Variants in CAP2 observed in about 807,000 individuals in gnomAD.
CAP2 encodes the protein cyclase associated actin cytoskeleton regulatory protein 2.
In CAP2, 24 loss-of-function variants were observed where a neutral mutation model predicts 57.7. That is an observed-to-expected ratio of 0.42 (90% CI 0.30 to 0.58). The LOEUF is 0.58. Ranked by LOEUF, CAP2 falls within the 20% of genes least tolerant of loss-of-function variation. CAP2 has a pLI of 0.22. For missense variants in CAP2, 501 were observed against 590.3 expected (o/e 0.85, Z 1.57); for synonymous variants, 194 against 207.2 (o/e 0.94, Z 0.55).
chr6:17,512,495 C>T (rs1432104101), intron 6 of CAP2, among the ~76,000 whole-genome samples: 4 of 151,974 alleles, frequency 2.6e-5, no homozygotes. Context: ...CACATATAAA[C>T]ATAGACATAT....
chr6:17,498,728 T>C (rs1761728307), intron 4 of CAP2, among the ~76,000 whole-genome samples: 1 of 152,008 alleles, frequency 6.6e-6, no homozygotes, highest in African/African-American at 2.4e-5. Flanking sequence ...TTATTTATTT[T>C]ATTTATTTAT....
intron 3 of CAP2, among the ~76,000 whole-genome samples, chr6:17,446,425 G>A (rs552332934): frequency 6.6e-6 from 1 of 152,088 alleles, no homozygotes; most frequent in Non-Finnish European, 1.5e-5. Context: ...CTGCTTTGGT[G>A]CTTAGCAACC....
chr6:17,504,153 A>G (rs1001279383), intron 4 of CAP2, among the ~76,000 whole-genome samples: 6 of 152,152 alleles, frequency 3.9e-5, no homozygotes, highest in Non-Finnish European at 7.3e-5. Context: ...AACTCGGCCA[A>G]TCAGAGGCTT....
intron 7 of CAP2, among the ~76,000 whole-genome samples, chr6:17,516,843 A>G (rs1464122870): frequency 2.0e-5 from 3 of 152,188 alleles, no homozygotes; most frequent in South Asian, 4.1e-4. Flanking sequence ...AAATGTTAAC[A>G]CGACCCTTCA....
rs1214823183 is a variant in CAP2 at position 17,472,150 on chromosome 6, T to C, written c.300+9077T>C. Reference sequence around the variant, plus strand: ...GAGATCGAGACCATCCCGGCTAAAATGGTGAAACCCCGTCTCTACTAAAAA... The same window carrying C: ...GAGATCGAGACCATCCCGGCTAAAACGGTGAAACCCCGTCTCTACTAAAAA... On this transcript the variant is annotated intron_variant, in intron 4 of 12. Coordinates refer to ENST00000229922, the MANE Select transcript of CAP2 (RefSeq NM_006366.3). 8.4e-4 allele frequency among the ~76,000 whole-genome samples: 72 copies of C among 85,742 alleles called. 7 individuals are homozygous for C. Among genetic ancestry groups the C allele is most frequent in the Non-Finnish European group, 1.4e-3 (63 of 45,842 alleles). The allele number at this position is 85,742 out of a possible 152,430, so 56.3% of individuals were successfully genotyped here.
In CAP2 at chr6:17,535,181, A is replaced by G. The variant is rs537776897; in HGVS notation, c.637-4088A>G. ...GAGCCAGATATTGCACCACTTCCCA[A>G]TACTTCTGTCGTATTTATTCTAGCC... On this transcript the variant is annotated intron_variant, in intron 7 of 12. Transcript: ENST00000229922. Among the ~76,000 whole-genome samples, 11 of 152,242 alleles carry G rather than the reference A, an allele frequency of 7.2e-5. No individual in the cohort carries two copies. In the South Asian group the frequency reaches 1.7e-3, roughly 23 times the overall value.
chr6:17,424,263 G>A (rs376702571), intron 2 of CAP2, among the ~76,000 whole-genome samples: 8 of 152,204 alleles, frequency 5.3e-5, no homozygotes, highest in African/African-American at 1.7e-4. Context: ...AGCTGGGCGT[G>A]GTGGCGGGCG....
rs567383276 is a variant in CAP2, at chr6:17,439,053, A to G, written c.222+12363A>G. Among the ~76,000 whole-genome samples the G allele has an allele frequency of 4.6e-5, 7 of 150,968 alleles. 1 individual carries two copies. The highest frequency in any genetic ancestry group is 1.5e-4 in the African/African-American group (6 of 40,542). On this transcript the variant is annotated intron_variant, in intron 3 of 12. Transcript: ENST00000229922. ...TTGAACCCAGGAGCCGGAGGTTGCA[A>G]TGAATCAAGATTGTGCCATTGCACT... is the stretch of plus-strand genomic sequence containing the variant.
chr6:17,421,955 T>C (rs1759460665), intron 2 of CAP2, among the ~76,000 whole-genome samples: 1 of 152,204 alleles, frequency 6.6e-6, no homozygotes, highest in South Asian at 2.1e-4. Flanking sequence ...CAATCATAGC[T>C]CACAGTGACC....
At chr6:17,548,340 C>T (rs1266063894) in intron 11 of CAP2, among the ~76,000 whole-genome samples, 1 of 150,828 alleles carries the variant, frequency 6.6e-6, no homozygotes, top group Non-Finnish European at 1.5e-5. Context: ...GCACTCCAGC[C>T]TGGCAACAGA....
intron 4 of CAP2, among the ~76,000 whole-genome samples, chr6:17,477,349 C>T (rs1561797427): frequency 6.6e-6 from 1 of 152,178 alleles, no homozygotes; most frequent in African/African-American, 2.4e-5. Flanking sequence ...TATTTTTGCA[C>T]CTTTATTTTG....
At chr6:17,479,607 A>AT (rs11336517) in intron 4 of CAP2, among the ~76,000 whole-genome samples, 2,620 of 126,416 alleles carry the variant, frequency 0.021, 49 homozygotes, top group African/African-American at 0.037. Context: ...CTGCTTTTTA[A>AT]TTTTTTTTTT....
intron 11 of CAP2, among the ~76,000 whole-genome samples, chr6:17,544,350 A>C (rs1207151699): frequency 6.6e-6 from 1 of 152,170 alleles, no homozygotes; most frequent in Non-Finnish European, 1.5e-5. Flanking sequence ...TAGATCATGA[A>C]GAGGAAAAGT....
chr6:17,482,125 ATTCTGTTTTGTAGGTGTATTCG>A (rs1279270518), intron 4 of CAP2, among the ~76,000 whole-genome samples: 1 of 152,152 alleles, frequency 6.6e-6, no homozygotes, highest in Non-Finnish European at 1.5e-5. Context: ...GAGCTTCCTT[ATTCTGTTTTGTAGGTGTATTCG>A]TCAGCTAGGG....
intron 11 of CAP2, among the ~76,000 whole-genome samples, chr6:17,543,873 C>T (rs1161429745): frequency 6.6e-6 from 1 of 151,978 alleles, no homozygotes; most frequent in Non-Finnish European, 1.5e-5. Flanking sequence ...GCCTGTAATC[C>T]CAACACTTTG....
intron 4 of CAP2, among the ~76,000 whole-genome samples, chr6:17,467,988 A>G (rs1161852096): frequency 6.6e-6 from 1 of 152,176 alleles, no homozygotes; most frequent in African/African-American, 2.4e-5. Context: ...GCCTTTGGTA[A>G]CCATCCTTCT....
intron 6 of CAP2, among the ~76,000 whole-genome samples, chr6:17,512,565 T>C (rs927456524): frequency 3.3e-5 from 5 of 152,210 alleles, no homozygotes; most frequent in Non-Finnish European, 5.9e-5. Context: ...TGTATACTGC[T>C]TCCTATGTGC....
At chr6:17,495,706 G>A (rs1761646339) in intron 4 of CAP2, among the ~76,000 whole-genome samples, 1 of 152,150 alleles carries the variant, frequency 6.6e-6, no homozygotes, top group Non-Finnish European at 1.5e-5. Context: ...GAAGATGAAA[G>A]TTCATTGGCC....
chr6:17,467,534 G>A (rs1561794005), intron 4 of CAP2, among the ~76,000 whole-genome samples: 1 of 151,974 alleles, frequency 6.6e-6, no homozygotes, highest in African/African-American at 2.4e-5. Context: ...ACGTTTGTTT[G>A]TTTTTTTGGG....
Sources: gnomAD v4.1 joint callset for allele counts (sites outside exome capture counted in the v4.1 genomes callset) on GRCh38, gnomAD v4.1.1 for gene constraint, MANE v1.5 for transcripts, NCBI Gene and HGNC (gene_info 2026-07-23, HGNC 2026-07-21) for gene names.